KIAA1671: variants seen among roughly 807,000 people sequenced by gnomAD.
The protein encoded by KIAA1671 is KIAA1671.
In KIAA1671, 52 loss-of-function variants were observed where a neutral mutation model predicts 131.2. The observed-to-expected ratio is 0.40, with a 90% confidence interval of 0.32 to 0.50. KIAA1671 has a LOEUF of 0.50. Among genes scored for constraint, KIAA1671 ranks in the 20% least tolerant of loss-of-function variants. KIAA1671 has a pLI of 0.73. For synonymous variants in KIAA1671, 1,003 were observed against 961.6 expected, an observed-to-expected ratio of 1.04 and a Z score of -0.80; for missense variants, 2,360 against 2,364.2, an observed-to-expected ratio of 1.00 and a Z score of 0.04.
At position 25,039,145 on chromosome 22, in the gene KIAA1671, A is replaced by G. The variant is rs1926775416; in HGVS notation, c.2015A>G (p.Asn672Ser). Reference sequence around the variant, plus strand: ...GACATGACAAAACTGAAGAAAGAGAACTCCAGAGGGTTTGACAATCCCGAG... The same window carrying G: ...GACATGACAAAACTGAAGAAAGAGAGCTCCAGAGGGTTTGACAATCCCGAG... ...PPDMTKLKKE[N>S]SRGFDNPETE... Residue 672 changes from asparagine (N) to serine (S), a missense_variant, in exon 5 of 13, where the codon AAC becomes AGC. Physicochemically the swap from Asn to Ser is conservative, Grantham distance 46 (BLOSUM62 1). Transcript: ENST00000358431. 2 of 1,551,508 alleles carry G rather than the reference A, an allele frequency of 1.3e-6. No homozygotes were observed. The highest frequency in any genetic ancestry group is 1.7e-6 in the Non-Finnish European group (2 of 1,147,012).
chr22:25,154,788 C>G (rs957273461), intron 6 of KIAA1671, among the ~76,000 whole-genome samples: 1 of 152,242 alleles, frequency 6.6e-6, no homozygotes, highest in African/African-American at 2.4e-5. Context: ...AAGAGAGACT[C>G]CATTCATGCT....
intron 6 of KIAA1671, among the ~76,000 whole-genome samples, chr22:25,115,832 A>C (rs1452683997): frequency 6.6e-6 from 1 of 152,246 alleles, no homozygotes; most frequent in Non-Finnish European, 1.5e-5. Flanking sequence ...GCTGGAGTGC[A>C]GTGGCACAGT....
intron 3 of KIAA1671, 91 bp from the exon 4 acceptor site, chr22:25,032,518 G>A: frequency 4.2e-6 from 3 of 712,806 alleles, no homozygotes; most frequent in Non-Finnish European, 2.4e-6. Context: ...CCTTTCTGAA[G>A]GTTACTTGGC....
At chr22:25,093,752 C>CTCTG (rs1171902641) in intron 6 of KIAA1671, among the ~76,000 whole-genome samples, 1 of 54,352 alleles carries the variant, frequency 1.8e-5, no homozygotes, top group Admixed American at 1.7e-4. Flanking sequence ...CTCTCTCTCT[C>CTCTG]TCTCTCTCTC....
chr22:25,029,568 C>G (rs995383986), intron 3 of KIAA1671, 28 bp downstream of exon 3: 230 of 1,457,470 alleles, frequency 1.6e-4, no homozygotes, highest in Non-Finnish European at 1.9e-4. Flanking sequence ...ACACCCCTCT[C>G]TCAGCCGCCC....
intron 6 of KIAA1671, among the ~76,000 whole-genome samples, chr22:25,084,457 C>CAAAAA (rs36090380): frequency 0.086 from 11,071 of 128,140 alleles, 606 homozygotes; most frequent in Non-Finnish European, 0.11. Context: ...GACTCTATCT[C>CAAAAA]AAAAAAAAAA....
chr22:24,975,340 A>G (rs572961211), intron 1 of KIAA1671, among the ~76,000 whole-genome samples: 4 of 149,702 alleles, frequency 2.7e-5, no homozygotes, highest in African/African-American at 7.4e-5. Context: ...TTTTTTCAAG[A>G]CAGCATCCCA....
chr22:25,182,127 C>T (rs1043126780), intron 10 of KIAA1671, among the ~76,000 whole-genome samples: 7 of 151,806 alleles, frequency 4.6e-5, no homozygotes, highest in Non-Finnish European at 8.8e-5. Flanking sequence ...TGCAGTAAGC[C>T]GAGATTGCGC....
chr22:25,171,047 T>A, intron 7 of KIAA1671, 109 bp downstream of exon 7: 2 of 804,264 alleles, frequency 2.5e-6, no homozygotes, highest in Non-Finnish European at 4.0e-6. Context: ...CAGTCTGTAA[T>A]TATAAAAGGA....
At chr22:25,093,874 C>A (rs906004097) in intron 6 of KIAA1671, among the ~76,000 whole-genome samples, 1 of 127,294 alleles carries the variant, frequency 7.9e-6, no homozygotes, top group African/African-American at 3.0e-5. Context: ...CTCTCTCTCT[C>A]TCTCTCTCTC....
At chr22:25,064,903 G>A (rs1194797748) in intron 6 of KIAA1671, 1 of 152,290 alleles carries the variant, frequency 6.6e-6, no homozygotes, top group African/African-American at 2.4e-5. Context: ...CTGGGACCCA[G>A]GCTCTGCCCA....
At chr22:25,015,227 T>TAAAAA (rs3063199) in intron 1 of KIAA1671, among the ~76,000 whole-genome samples, 1 of 115,836 alleles carries the variant, frequency 8.6e-6, no homozygotes, top group Non-Finnish European at 1.7e-5. Flanking sequence ...CCTTGTCCCT[T>TAAAAA]AAAAAAAAAA....
chr22:24,956,096 C>CT (rs1921684748), intron 1 of KIAA1671, among the ~76,000 whole-genome samples: 1 of 151,700 alleles, frequency 6.6e-6, no homozygotes, highest in African/African-American at 2.4e-5. Flanking sequence ...GTGGACTGGA[C>CT]GTAGAGACCA....
At chr22:25,052,925 AG>A (rs1927617031) in intron 6 of KIAA1671, 1 of 152,240 alleles carries the variant, frequency 6.6e-6, no homozygotes, top group Non-Finnish European at 1.5e-5. Flanking sequence ...CATGTTGGCC[AG>A]GCTGGTCTCA....
chr22:24,993,072 C>G (rs1050944265), intron 1 of KIAA1671, among the ~76,000 whole-genome samples: 7 of 152,046 alleles, frequency 4.6e-5, no homozygotes, highest in African/African-American at 1.7e-4. Flanking sequence ...CGAAGCCGCC[C>G]TCTCTGCCTT....
intron 1 of KIAA1671, among the ~76,000 whole-genome samples, chr22:25,004,244 T>A (rs776560243): frequency 3.1e-4 from 47 of 151,440 alleles, no homozygotes; most frequent in Non-Finnish European, 4.4e-4. Context: ...GCCTCCTGAG[T>A]AGCTGGGTCT....
At chr22:25,027,849 G>T in intron 2 of KIAA1671, 96 bp from the exon 3 acceptor site, 1 of 643,812 alleles carries the variant, frequency 1.6e-6, no homozygotes. Flanking sequence ...GGAATCTGGG[G>T]CTCAGGACTC....
At chr22:24,996,030 T>C (rs1187776954) in intron 1 of KIAA1671, among the ~76,000 whole-genome samples, 1 of 152,198 alleles carries the variant, frequency 6.6e-6, no homozygotes, top group Admixed American at 6.5e-5. Context: ...CTGGATAAAA[T>C]TGGCATCTGG....
intron 1 of KIAA1671, among the ~76,000 whole-genome samples, chr22:24,997,151 C>G (rs1166292288): frequency 6.6e-6 from 1 of 152,192 alleles, no homozygotes; most frequent in Admixed American, 6.5e-5. Flanking sequence ...AAAAGGATCT[C>G]TGCCTTCAGG....
Sources: gnomAD v4.1 joint callset for allele counts (sites outside exome capture counted in the v4.1 genomes callset) on GRCh38, gnomAD v4.1.1 for gene constraint, MANE v1.5 for transcripts, NCBI Gene and HGNC (gene_info 2026-07-23, HGNC 2026-07-21) for gene names.